Variants in LHFPL3 observed in about 807,000 individuals in gnomAD.
LHFPL3 encodes LHFPL tetraspan subfamily member 3 protein.
LHFPL3 carries 5 observed loss-of-function variants against 19.3 expected under a neutral mutation model. That is an observed-to-expected ratio of 0.26 (90% CI 0.14 to 0.54). The LOEUF is 0.54. Ranked by LOEUF, LHFPL3 falls within the 20% of genes least tolerant of loss-of-function variation. The probability of loss-of-function intolerance (pLI) is 0.94; values close to 1 mark genes in which losing one functional copy is unlikely to be tolerated. For missense variants in LHFPL3, 249 were observed against 307.4 expected (o/e 0.81, Z 1.42); for synonymous variants, 133 against 126.2 (o/e 1.05, Z -0.36).
chr7:104,540,248 A>G (rs1480692727), intron 1 of LHFPL3, among the ~76,000 whole-genome samples: 2 of 152,222 alleles, frequency 1.3e-5, no homozygotes. Flanking sequence ...GTAATAAAAA[A>G]AAAACTATAA....
chr7:104,554,684 TAGATAGACAGAC>T lies in LHFPL3; in HGVS notation c.446-181986_446-181975del, dbSNP rs1313137170. ...ATAGATAGATAGATAGATAGATAGATAGATAGACAGACAGATGATGAGAGGGGATTTATTATG... is the reference window on the plus strand; with the variant it reads ...ATAGATAGATAGATAGATAGATAGATAGATGATGAGAGGGGATTTATTATG... On this transcript the variant is annotated intron_variant, in intron 1 of 2. Coordinates refer to ENST00000424859, the MANE Select transcript of LHFPL3 (RefSeq NM_199000.3). Among the ~76,000 whole-genome samples the T allele has an allele frequency of 3.8e-3, 495 of 130,950 alleles. 6 individuals carry two copies. The highest frequency in any genetic ancestry group is 0.014 in the African/African-American group (456 of 32,414). The allele number at this position is 130,950 out of a possible 152,430, so 85.9% of individuals were successfully genotyped here. A position where few individuals can be genotyped will look rare whatever the true frequency, so the allele number is the denominator to read the frequency against.
chr7:104,409,238 TTTG>T (rs747688436), intron 1 of LHFPL3, among the ~76,000 whole-genome samples: 1 of 152,032 alleles, frequency 6.6e-6, no homozygotes, highest in Non-Finnish European at 1.5e-5. Flanking sequence ...ATCCCTGCTT[TTTG>T]TTTAGAAAAT....
rs1794301131 is a variant in LHFPL3, at chr7:104,531,872, C to A, written c.445+202648C>A. Among the ~76,000 whole-genome samples the A allele has an allele frequency of 5.3e-5, 8 of 152,206 alleles. 1 individual carries two copies. The South Asian group carries it at 1.7e-3, about 32-fold the overall frequency. ...GGTGCTGGGGATCAGGATCTTTAAT[C>A]TGGCCAGCAGGCACCTATCCCTCCA... On this transcript the variant is annotated intron_variant, in intron 1 of 2. Coordinates refer to ENST00000424859, the MANE Select transcript of LHFPL3 (RefSeq NM_199000.3).
chr7:104,733,553 T>G (rs938659495), intron 1 of LHFPL3, among the ~76,000 whole-genome samples: 4 of 152,202 alleles, frequency 2.6e-5, no homozygotes, highest in African/African-American at 7.2e-5. Flanking sequence ...ACCCCTCCCT[T>G]TCTTTGTTTT....
chr7:104,633,999 G>A (rs938986956), intron 1 of LHFPL3, among the ~76,000 whole-genome samples: 2 of 152,096 alleles, frequency 1.3e-5, no homozygotes, highest in Non-Finnish European at 2.9e-5. Context: ...AGTCACCTAC[G>A]TATTTCAGTG....
chr7:104,654,614 C>A lies in LHFPL3; in HGVS notation c.446-82061C>A, dbSNP rs115635605. ...TCATGAAAATTAGACATACTACTTG[C>A]AACCTTCTGAGTGAGGTATCTGGCA... On this transcript the variant is annotated intron_variant, in intron 1 of 2. Coordinates refer to ENST00000424859, the MANE Select transcript of LHFPL3 (RefSeq NM_199000.3). Among the ~76,000 whole-genome samples the A allele has an allele frequency of 7.3e-3, 1,108 of 152,264 alleles. 17 individuals carry two copies. Among genetic ancestry groups the A allele is most frequent in the African/African-American group, 0.025 (1,035 of 41,532 alleles).
At chr7:104,727,620 GC>G (rs1273181329) in intron 1 of LHFPL3, among the ~76,000 whole-genome samples, 2 of 152,106 alleles carry the variant, frequency 1.3e-5, no homozygotes, top group Non-Finnish European at 2.9e-5. Context: ...AGGCAATATT[GC>G]AAATCGGAAG....
chr7:104,685,416 T>A (rs1434323162), intron 1 of LHFPL3, among the ~76,000 whole-genome samples: 1 of 152,132 alleles, frequency 6.6e-6, no homozygotes, highest in Non-Finnish European at 1.5e-5. Context: ...CATTTTCAGA[T>A]GAAGCCTAGC....
intron 2 of LHFPL3, among the ~76,000 whole-genome samples, chr7:104,762,721 T>C (rs1267695089): frequency 6.6e-6 from 1 of 152,168 alleles, no homozygotes; most frequent in Non-Finnish European, 1.5e-5. Flanking sequence ...TTTCACTTAA[T>C]CCCCACAAAT....
At chr7:104,817,281 A>G (rs965483372) in intron 2 of LHFPL3, among the ~76,000 whole-genome samples, 1 of 152,166 alleles carries the variant, frequency 6.6e-6, no homozygotes, top group Non-Finnish European at 1.5e-5. Context: ...TGTGTTGAGC[A>G]AAGGCTCAAC....
chr7:104,686,753 A>G (rs1047223979), intron 1 of LHFPL3, among the ~76,000 whole-genome samples: 17 of 152,238 alleles, frequency 1.1e-4, no homozygotes, highest in Non-Finnish European at 1.5e-5. Context: ...CTATGAAGAA[A>G]TACCTGAGAC....
At chr7:104,337,143 G>A (rs997033620) in intron 1 of LHFPL3, among the ~76,000 whole-genome samples, 9 of 152,136 alleles carry the variant, frequency 5.9e-5, no homozygotes, top group African/African-American at 2.4e-5. Flanking sequence ...AATGGGAAAT[G>A]TGTATTATAA....
At chr7:104,775,925 T>A (rs1230146111) in intron 2 of LHFPL3, among the ~76,000 whole-genome samples, 3 of 151,986 alleles carry the variant, frequency 2.0e-5, no homozygotes, top group African/African-American at 7.2e-5. Flanking sequence ...TGATTTTCCA[T>A]GTGTACTCTC....
At chr7:104,663,207 G>A (rs1792264517) in intron 1 of LHFPL3, among the ~76,000 whole-genome samples, 1 of 152,146 alleles carries the variant, frequency 6.6e-6, no homozygotes, top group Admixed American at 6.5e-5. Context: ...AATCTGAAAT[G>A]CTTTATGGGT....
At chr7:104,743,359 G>A (rs1793972902) in intron 2 of LHFPL3, among the ~76,000 whole-genome samples, 1 of 152,128 alleles carries the variant, frequency 6.6e-6, no homozygotes, top group African/African-American at 2.4e-5. Flanking sequence ...ATAGTGGACA[G>A]AGCCCCAGAT....
chr7:104,459,199 T>G (rs998805094), intron 1 of LHFPL3, among the ~76,000 whole-genome samples: 3 of 152,244 alleles, frequency 2.0e-5, no homozygotes, highest in African/African-American at 7.2e-5. Context: ...AATTTCTCTT[T>G]TAAATGTCTT....
chr7:104,468,496 G>T (rs1562906891), intron 1 of LHFPL3, among the ~76,000 whole-genome samples: 1 of 152,060 alleles, frequency 6.6e-6, no homozygotes, highest in East Asian at 1.9e-4. Flanking sequence ...CTTTTTGGGG[G>T]TAAAAACCAT....
intron 1 of LHFPL3, among the ~76,000 whole-genome samples, chr7:104,489,684 C>T (rs1185022542): frequency 6.6e-6 from 1 of 151,900 alleles, no homozygotes; most frequent in East Asian, 1.9e-4. Flanking sequence ...AAAGGTTACT[C>T]CACTCTAGGT....
chr7:104,674,712 G>C (rs1267151549), intron 1 of LHFPL3, among the ~76,000 whole-genome samples: 1 of 152,046 alleles, frequency 6.6e-6, no homozygotes, highest in Non-Finnish European at 1.5e-5. Context: ...ATAAACTATG[G>C]GAGAAAAAAG....
Sources: gnomAD v4.1 joint callset for allele counts (sites outside exome capture counted in the v4.1 genomes callset) on GRCh38, gnomAD v4.1.1 for gene constraint, MANE v1.5 for transcripts, NCBI Gene and HGNC (gene_info 2026-07-23, HGNC 2026-07-21) for gene names.